The following NRG1 variants were observed in gnomAD, a reference collection of about 807,000 sequenced individuals.
The protein encoded by NRG1 is pro-neuregulin-1, membrane-bound isoform.
Under a neutral mutation model 63.8 loss-of-function variants are expected in NRG1, and 18 were observed. That is an observed-to-expected ratio of 0.28 (90% CI 0.19 to 0.42). The LOEUF (loss-of-function observed/expected upper bound fraction) is 0.42. Ranked by LOEUF, NRG1 falls within the 10% of genes least tolerant of loss-of-function variation. The pLI is 1.00. For synonymous variants in NRG1, 302 were observed against 301.3 expected, an observed-to-expected ratio of 1.00 and a Z score of -0.02; for missense variants, 762 against 814.7, an observed-to-expected ratio of 0.94 and a Z score of 0.79.
intron 1 of NRG1, among the ~76,000 whole-genome samples, chr8:31,723,021 G>C (rs549487550): frequency 6.6e-6 from 1 of 152,220 alleles, no homozygotes; most frequent in South Asian, 2.1e-4. Flanking sequence ...ATTCACAATT[G>C]AGAAATCTTA....
chr8:32,377,956 A>G (rs1224943303), intron 1 of NRG1, among the ~76,000 whole-genome samples: 1 of 152,174 alleles, frequency 6.6e-6, no homozygotes, highest in Non-Finnish European at 1.5e-5. Flanking sequence ...CTAATGATAG[A>G]ATCAGATTTA....
intron 1 of NRG1, among the ~76,000 whole-genome samples, chr8:31,862,793 AT>A (rs1828587921): frequency 6.6e-6 from 1 of 152,206 alleles, no homozygotes; most frequent in Non-Finnish European, 1.5e-5. Context: ...AAGAGCTTGA[AT>A]GTGGCCTTGA....
chr8:31,726,662 A>G (rs1213580931), intron 1 of NRG1, among the ~76,000 whole-genome samples: 5 of 152,120 alleles, frequency 3.3e-5, no homozygotes, highest in African/African-American at 9.7e-5. Context: ...GAGTGAAAAA[A>G]GCATGTCTGT....
intron 5 of NRG1, among the ~76,000 whole-genome samples, chr8:32,652,363 G>T (rs1015857239): frequency 2.6e-5 from 4 of 152,028 alleles, no homozygotes; most frequent in African/African-American, 9.7e-5. Context: ...AACAGCATGG[G>T]TTGCCTAGGG....
At chr8:32,489,841 G>C (rs896558954) in intron 1 of NRG1, among the ~76,000 whole-genome samples, 1 of 152,140 alleles carries the variant, frequency 6.6e-6, no homozygotes, top group African/African-American at 2.4e-5. Flanking sequence ...GGCTCTTCCA[G>C]AACATTGTAT....
chr8:32,446,737 TG>T (rs959919313), intron 1 of NRG1, among the ~76,000 whole-genome samples: 5 of 152,238 alleles, frequency 3.3e-5, no homozygotes, highest in Admixed American at 2.6e-4. Context: ...ATCAAAACTT[TG>T]GGGTCACCCT....
chr8:32,091,712 C>T lies in NRG1; in HGVS notation c.37+452281C>T, dbSNP rs563641359. ...TTGACCAACTGATAGAGGATGGAAA[C>T]GAAGAGCCAAAGGGGAGAAGGGACA... On this transcript the variant is annotated intron_variant, in intron 1 of 10. Transcript: ENST00000519301. Among the ~76,000 whole-genome samples the T allele has an allele frequency of 4.6e-5, 7 of 152,048 alleles. 1 individual carries two copies. Among genetic ancestry groups the T allele is most frequent in the East Asian group, 1.9e-4 (1 of 5,168 alleles).
At chr8:32,726,097 G>T (rs1399583877) in intron 5 of NRG1, among the ~76,000 whole-genome samples, 1 of 151,998 alleles carries the variant, frequency 6.6e-6, no homozygotes, top group Admixed American at 6.6e-5. Context: ...ATAGCTTTTT[G>T]TTGGAGTAAT....
chr8:32,164,867 G>A (rs776663005), intron 1 of NRG1, among the ~76,000 whole-genome samples: 5 of 152,082 alleles, frequency 3.3e-5, no homozygotes, highest in Non-Finnish European at 5.9e-5. Context: ...TCTCTCAGAG[G>A]TTATTATATC....
intron 1 of NRG1, among the ~76,000 whole-genome samples, chr8:32,379,491 T>C (rs1810065364): frequency 1.3e-5 from 2 of 152,188 alleles, no homozygotes; most frequent in Non-Finnish European, 2.9e-5. Context: ...TCTATCAAAA[T>C]ATATAACAGG....
chr8:32,075,449 G>T (rs1346462979), intron 1 of NRG1, among the ~76,000 whole-genome samples: 1 of 151,956 alleles, frequency 6.6e-6, no homozygotes, highest in Non-Finnish European at 1.5e-5. Flanking sequence ...ATTACTAGAT[G>T]GGTAATTTCT....
At chr8:31,895,995 T>C (rs1380478416) in intron 1 of NRG1, among the ~76,000 whole-genome samples, 1 of 152,158 alleles carries the variant, frequency 6.6e-6, no homozygotes, top group East Asian at 1.9e-4. Flanking sequence ...CATGCCTCTT[T>C]CATTTAGTTT....
intron 1 of NRG1, among the ~76,000 whole-genome samples, chr8:32,300,498 A>T (rs956903761): frequency 1.3e-5 from 2 of 152,238 alleles, no homozygotes; most frequent in Non-Finnish European, 2.9e-5. Context: ...TACATTGCAG[A>T]GTAAGTCAAT....
At chr8:32,489,663 C>CTA (rs1753052621) in intron 1 of NRG1, among the ~76,000 whole-genome samples, 1 of 152,254 alleles carries the variant, frequency 6.6e-6, no homozygotes, top group Admixed American at 6.5e-5. Context: ...ATTATGGAAG[C>CTA]TAAATATTTA....
At chr8:32,191,109 G>T (rs547760694) in intron 1 of NRG1, among the ~76,000 whole-genome samples, 5 of 149,890 alleles carry the variant, frequency 3.3e-5, no homozygotes, top group Non-Finnish European at 5.9e-5. Flanking sequence ...TTTTGAGTTG[G>T]AGTCTCACTC....
chr8:32,724,407 C>G (rs753558669), intron 5 of NRG1, among the ~76,000 whole-genome samples: 39 of 152,154 alleles, frequency 2.6e-4, no homozygotes, highest in African/African-American at 8.9e-4. Context: ...TCCTCCCAGC[C>G]CCCCCAGAAA....
At chr8:32,499,089 C>T (rs141263283) in intron 1 of NRG1, among the ~76,000 whole-genome samples, 28 of 152,164 alleles carry the variant, frequency 1.8e-4, no homozygotes, top group East Asian at 7.7e-4. Context: ...TAGATCAGAA[C>T]GAGAATAAAT....
At chr8:32,725,658 TAG>T (rs1313004235) in intron 5 of NRG1, among the ~76,000 whole-genome samples, 1 of 151,570 alleles carries the variant, frequency 6.6e-6, no homozygotes, top group Non-Finnish European at 1.5e-5. Flanking sequence ...GTATTTTTAG[TAG>T]AGACGGGGTT....
intron 1 of NRG1, among the ~76,000 whole-genome samples, chr8:32,196,650 A>C (rs532436786): frequency 8.5e-4 from 129 of 152,286 alleles, no homozygotes; most frequent in Middle Eastern, 3.4e-3. Flanking sequence ...GGATGCCAAC[A>C]AGAAAATAGT....
Sources: gnomAD v4.1 joint callset for allele counts (sites outside exome capture counted in the v4.1 genomes callset) on GRCh38, gnomAD v4.1.1 for gene constraint, MANE v1.5 for transcripts, NCBI Gene and HGNC (gene_info 2026-07-23, HGNC 2026-07-21) for gene names.